PWWP2A: variants seen among roughly 807,000 people sequenced by gnomAD.
PWWP2A encodes PWWP domain containing 2A, also known as PWWP domain-containing protein 2A.
A neutral mutation model predicts 48.5 loss-of-function variants in PWWP2A; 18 were observed. That is an observed-to-expected ratio of 0.37 (90% CI 0.26 to 0.55). PWWP2A has a LOEUF of 0.55. Ranked by LOEUF, PWWP2A falls within the 20% of genes least tolerant of loss-of-function variation. PWWP2A has a pLI of 0.81. For missense variants in PWWP2A, 867 were observed against 976.4 expected, an observed-to-expected ratio of 0.89 and a Z score of 1.49; for synonymous variants, 396 against 387.7, an observed-to-expected ratio of 1.02 and a Z score of -0.25.
chr5:160,082,420 G>A (rs1754309478), intron 2 of PWWP2A, among the ~76,000 whole-genome samples: 1 of 150,088 alleles, frequency 6.7e-6, no homozygotes, highest in African/African-American at 2.5e-5. Flanking sequence ...CTCCAGCCTG[G>A]GCGACAGAGC....
the PWWP2A span, among the ~76,000 whole-genome samples, chr5:160,050,797 T>C: frequency 6.6e-6 from 1 of 151,994 alleles, no homozygotes. Context: ...AGCTAATTTT[T>C]GTATTTCTTG....
At position 160,118,939 on chromosome 5, in the gene PWWP2A, G is replaced by C. The variant is rs1278956225; in HGVS notation, c.450C>G (p.Asp150Glu). The change falls in exon 1 of 2, where the codon GAC becomes GAG. Residue 150 changes from aspartate (D) to glutamate (E), a missense_variant. By Grantham distance (45) the Asp-to-Glu change is conservative. This residue lies in a region of PWWP2A where 385 missense variants were observed against 396.9 expected (regional missense o/e 0.97). Transcript: ENST00000307063. ...CCGGGATCAGTTGCGACACCGTGGA[G>C]TCCCCGCCCGCCGGCGGCACGAGCG... is the stretch of plus-strand genomic sequence containing the variant. ...APALVPPAGG[D>E]STVSQLIPGS... The C allele has an allele frequency of 1.3e-6, 2 of 1,597,822 alleles. No individual in the cohort carries two copies.
At chr5:160,106,607 C>T (rs1324840056) in intron 1 of PWWP2A, among the ~76,000 whole-genome samples, 1 of 151,670 alleles carries the variant, frequency 6.6e-6, no homozygotes, top group Non-Finnish European at 1.5e-5. Context: ...AGGCTAAAAT[C>T]CACTATTCTA....
At chr5:160,046,751 C>T in the PWWP2A span, among the ~76,000 whole-genome samples, 1 of 152,136 alleles carries the variant, frequency 6.6e-6, no homozygotes, top group Non-Finnish European at 1.5e-5. Context: ...CAGTGGCTCA[C>T]GCCTGTAATC....
At chr5:160,118,765 G>C in intron 1 of PWWP2A, 40 bp downstream of exon 1, 3 of 1,381,524 alleles carry the variant, frequency 2.2e-6, no homozygotes, top group Non-Finnish European at 2.8e-6. Flanking sequence ...CCTCCCTGGG[G>C]ACCCAGCGGA....
At chr5:160,051,253 AGAG>A in the PWWP2A span, 1 of 1,250,080 alleles carries the variant, frequency 8.0e-7, no homozygotes. Flanking sequence ...AGCGAATACT[AGAG>A]GAGAACACAT....
rs1285798282 is a variant in PWWP2A at position 160,092,190 on chromosome 5, C to T, written c.*192G>A. The T allele has an allele frequency of 7.5e-6, 10 of 1,331,782 alleles. No homozygotes were observed. The highest frequency in any genetic ancestry group is 9.6e-6 in the Non-Finnish European group (10 of 1,045,036). 82.5% of individuals were successfully genotyped at this position (1,331,782 alleles called of 1,614,324 possible). Reference sequence around the variant, plus strand: ...TACTGCTAAAATCTCACTTCCTTAACACAAAATTTGATTATATGTTCAGTT... The same window carrying T: ...TACTGCTAAAATCTCACTTCCTTAATACAAAATTTGATTATATGTTCAGTT... On this transcript the variant is annotated 3_prime_UTR_variant, in exon 2 of 2. Transcript: ENST00000307063.
intron 1 of PWWP2A, among the ~76,000 whole-genome samples, chr5:160,108,285 G>T (rs1003025015): frequency 2.6e-5 from 4 of 152,160 alleles, no homozygotes; most frequent in Admixed American, 1.3e-4. Flanking sequence ...AATGCAACAT[G>T]CAATGGAAGA....
chr5:160,105,842 T>A (rs1370642936), intron 1 of PWWP2A: 4 of 158,872 alleles, frequency 2.5e-5, no homozygotes, highest in Non-Finnish European at 5.4e-5. Context: ...TCTGAAATCC[T>A]TTTCAAATTC....
At chr5:160,111,749 A>T (rs1488550506) in intron 1 of PWWP2A, among the ~76,000 whole-genome samples, 1 of 152,236 alleles carries the variant, frequency 6.6e-6, no homozygotes, top group Non-Finnish European at 1.5e-5. Flanking sequence ...ACCCAAACTG[A>T]ATTTGTAGGG....
chr5:160,060,767 C>T (rs551412052), downstream of PWWP2A, among the ~76,000 whole-genome samples: 3 of 152,324 alleles, frequency 2.0e-5, no homozygotes, highest in South Asian at 4.1e-4. Flanking sequence ...TCTCTGTCAT[C>T]GGCACAAACA....
intron 1 of PWWP2A, among the ~76,000 whole-genome samples, chr5:160,111,638 CAAATA>C (rs1561702404): frequency 1.3e-5 from 2 of 151,996 alleles, no homozygotes; most frequent in African/African-American, 4.8e-5. Flanking sequence ...TATCTCTAAA[CAAATA>C]AAATAATCAT....
chr5:160,051,309 T>A, the PWWP2A span: 1 of 692,772 alleles, frequency 1.4e-6, no homozygotes, highest in Non-Finnish European at 2.3e-6. Context: ...TACTGACTTC[T>A]GAGTTATTTT....
At chr5:160,100,524 T>C (rs1392019859) in intron 1 of PWWP2A, among the ~76,000 whole-genome samples, 1 of 152,048 alleles carries the variant, frequency 6.6e-6, no homozygotes, top group Non-Finnish European at 1.5e-5. Context: ...CCCTGCACTT[T>C]GGGAGGCCAA....
At chr5:160,065,051 A>T in intron 4 of PWWP2A, 1 of 1,610,834 alleles carries the variant, frequency 6.2e-7, no homozygotes, top group South Asian at 1.1e-5. Context: ...TCAAAATCCA[A>T]ATAATAACAG....
chr5:160,108,326 G>A (rs1479795059), intron 1 of PWWP2A, among the ~76,000 whole-genome samples: 3 of 152,180 alleles, frequency 2.0e-5, no homozygotes, highest in Non-Finnish European at 2.9e-5. Context: ...GCACAGTAGT[G>A]GGCGTCCTAA....
chr5:160,114,635 T>C (rs1410263172), intron 1 of PWWP2A, among the ~76,000 whole-genome samples: 1 of 151,422 alleles, frequency 6.6e-6, no homozygotes, highest in Non-Finnish European at 1.5e-5. Flanking sequence ...TGGTGGAGCA[T>C]GCCTGTAATC....
chr5:160,095,783 C>T (rs373592080), intron 1 of PWWP2A, among the ~76,000 whole-genome samples: 269 of 149,842 alleles, frequency 1.8e-3, no homozygotes, highest in African/African-American at 6.2e-3. Context: ...CAGCCTCGAC[C>T]TCCTAGGCTC....
the PWWP2A span, among the ~76,000 whole-genome samples, chr5:160,050,455 A>G: frequency 6.6e-6 from 1 of 152,178 alleles, no homozygotes; most frequent in Non-Finnish European, 1.5e-5. Context: ...TTAAAAAAAC[A>G]AAAAATACAA....
Sources: gnomAD v4.1 joint callset for allele counts (sites outside exome capture counted in the v4.1 genomes callset) on GRCh38, gnomAD v4.1.1 for gene constraint, gnomAD v4.1.1 regional missense constraint, MANE v1.5 for transcripts, NCBI Gene and HGNC (gene_info 2026-07-23, HGNC 2026-07-21) for gene names.